Variants in JMJD1C observed in about 807,000 individuals in gnomAD.
JMJD1C encodes the protein jumonji domain-containing protein 1C.
JMJD1C carries 31 observed loss-of-function variants against 245.3 expected under a neutral mutation model. That is an observed-to-expected ratio of 0.13 (90% CI 0.09 to 0.17). JMJD1C has a LOEUF of 0.17. JMJD1C is among the 10% of genes least tolerant of loss of function. The pLI, the probability that JMJD1C is intolerant of heterozygous loss-of-function variation, is 1.00. For synonymous variants in JMJD1C, 1,057 were observed against 1,017.4 expected (o/e 1.04, Z -0.74); for missense variants, 2,691 against 3,000.2 (o/e 0.90, Z 2.41).
intron 2 of JMJD1C, among the ~76,000 whole-genome samples, chr10:63,347,067 A>ATTTT (rs71025162): frequency 9.6e-6 from 1 of 104,186 alleles, no homozygotes; most frequent in Admixed American, 9.7e-5. Context: ...AATGAAAAGA[A>ATTTT]TTTTTTTTTT....
intron 22 of JMJD1C, among the ~76,000 whole-genome samples, chr10:63,180,261 T>C (rs1002335468): frequency 1.3e-5 from 2 of 152,250 alleles, no homozygotes; most frequent in Admixed American, 1.3e-4. Flanking sequence ...ATCCACCACC[T>C]TGGCCTCCCA....
At chr10:63,205,094 T>C (rs1846441517) in intron 10 of JMJD1C, 1 of 827,732 alleles carries the variant, frequency 1.2e-6, no homozygotes, top group African/African-American at 1.9e-5. Context: ...TAGAAACACT[T>C]TATAGTGAAT....
intron 1 of JMJD1C, among the ~76,000 whole-genome samples, chr10:63,496,203 CTT>C (rs1244106314): frequency 6.6e-6 from 1 of 151,838 alleles, no homozygotes. Context: ...GGATAAATAA[CTT>C]ATTTTTTTCA....
rs374003123 is a variant in JMJD1C at position 63,465,706 on chromosome 10, G to A, written c.-44C>T. The A allele has an allele frequency of 2.1e-5, 34 of 1,598,426 alleles. No homozygotes were observed. The African/African-American group carries it at 3.1e-4, about 14-fold the overall frequency. On this transcript the variant is annotated 5_prime_UTR_variant, in exon 1 of 26. Coordinates refer to ENST00000399262, the MANE Select transcript of JMJD1C (RefSeq NM_032776.3). ...GGCCGCTGCCTCCTCCAGTGCGAGGGAACCGATGAAACCTCACTCCTACCG... is the reference window on the plus strand; with the variant it reads ...GGCCGCTGCCTCCTCCAGTGCGAGGAAACCGATGAAACCTCACTCCTACCG...
chr10:63,472,102 A>C lies in JMJD1C; in HGVS notation n.113+49636T>G, dbSNP rs118092472. Among the ~76,000 whole-genome samples, 972 of 152,254 alleles carry C rather than the reference A, an allele frequency of 6.4e-3. 8 individuals are homozygous for C. The highest frequency in any genetic ancestry group is 0.011 in the Non-Finnish European group (743 of 68,004). On this transcript the variant is annotated intron_variant and non_coding_transcript_variant, in intron 1 of 3. Coordinates refer to the JMJD1C transcript ENST00000633035. ...TAACTTGAAATGGAAGAATTTTTGCAATGTTCTACATTACAAATAAACTTT... is the reference window on the plus strand; with the variant it reads ...TAACTTGAAATGGAAGAATTTTTGCCATGTTCTACATTACAAATAAACTTT...
rs377625005 is a variant in JMJD1C at position 63,207,976 on chromosome 10, A to C, written c.3693T>G (p.Thr1231=). Residue 1231 remains threonine, a synonymous_variant, in exon 10 of 26, where the codon ACT becomes ACG. Coordinates refer to ENST00000399262, the MANE Select transcript of JMJD1C (RefSeq NM_032776.3). ...EGSYSSLSPP[T]LTPVMPVNAG... is the part of the protein sequence containing the mutation. ...CATTTACTGGCATCACCGGAGTTAAAGTTGGAGGGGAAAGACTACTATAGC... is the reference window on the plus strand; with the variant it reads ...CATTTACTGGCATCACCGGAGTTAACGTTGGAGGGGAAAGACTACTATAGC... 1.1e-5 allele frequency: 17 copies of C among 1,614,040 alleles called. No homozygotes were observed. In the African/African-American group the frequency reaches 2.3e-4, roughly 22 times the overall value.
At chr10:63,408,335 G>A (rs557607672) in intron 1 of JMJD1C, among the ~76,000 whole-genome samples, 7 of 151,946 alleles carry the variant, frequency 4.6e-5, no homozygotes, top group African/African-American at 1.7e-4. Context: ...CCTGGGAGGC[G>A]AAGGTTGCAG....
At chr10:63,434,729 A>AAC (rs1418915778) in intron 1 of JMJD1C, among the ~76,000 whole-genome samples, 1 of 151,172 alleles carries the variant, frequency 6.6e-6, no homozygotes, top group East Asian at 1.9e-4. Context: ...AAAACAAACA[A>AAC]AAAAAAAAGA....
At chr10:63,260,812 C>T (rs905769546) in intron 3 of JMJD1C, among the ~76,000 whole-genome samples, 6 of 151,892 alleles carry the variant, frequency 4.0e-5, no homozygotes, top group Admixed American at 1.3e-4. Context: ...AGGGTGGTCT[C>T]GAACTCCTGA....
chr10:63,497,776 T>C (rs192121435), intron 1 of JMJD1C, among the ~76,000 whole-genome samples: 1 of 152,192 alleles, frequency 6.6e-6, no homozygotes, highest in Non-Finnish European at 1.5e-5. Context: ...AAACTGGGAG[T>C]AACGACCTCC....
At chr10:63,340,228 AC>A (rs1251921763) in intron 2 of JMJD1C, among the ~76,000 whole-genome samples, 3 of 152,150 alleles carry the variant, frequency 2.0e-5, no homozygotes, top group African/African-American at 7.2e-5. Flanking sequence ...TTATTCAGCA[AC>A]CCTGAGGGAA....
intron 1 of JMJD1C, among the ~76,000 whole-genome samples, chr10:63,490,650 G>A (rs1196802742): frequency 5.3e-5 from 8 of 152,094 alleles, no homozygotes; most frequent in Non-Finnish European, 1.5e-5. Context: ...TGTTGACCTC[G>A]TGATCCACCC....
At chr10:63,195,973 A>G (rs993997604) in intron 13 of JMJD1C, among the ~76,000 whole-genome samples, 1 of 151,828 alleles carries the variant, frequency 6.6e-6, no homozygotes, top group African/African-American at 2.4e-5. Context: ...TATACTTTCA[A>G]AATTAATACT....
At chr10:63,346,963 G>A (rs1943870196) in intron 2 of JMJD1C, among the ~76,000 whole-genome samples, 1 of 151,806 alleles carries the variant, frequency 6.6e-6, no homozygotes. Context: ...TACACCCCCG[G>A]CCCTCCATGA....
At chr10:63,192,746 A>G (rs1339617468) in intron 16 of JMJD1C, among the ~76,000 whole-genome samples, 192 bp downstream of exon 16, 1 of 152,140 alleles carries the variant, frequency 6.6e-6, no homozygotes, top group Admixed American at 6.5e-5. Flanking sequence ...CAAAAACAAC[A>G]AAAAAACAAC....
At chr10:63,507,794 A>G (rs1051399472) in intron 1 of JMJD1C, among the ~76,000 whole-genome samples, 1 of 152,096 alleles carries the variant, frequency 6.6e-6, no homozygotes, top group African/African-American at 2.4e-5. Flanking sequence ...GGTATCTCAC[A>G]TTTTAATTTG....
intron 10 of JMJD1C, among the ~76,000 whole-genome samples, chr10:63,200,974 T>C (rs185784246): frequency 5.3e-4 from 81 of 152,326 alleles, no homozygotes; most frequent in African/African-American, 1.9e-3. Flanking sequence ...GTATGTATAA[T>C]AGCAAACATA....
intron 1 of JMJD1C, among the ~76,000 whole-genome samples, chr10:63,440,946 T>C (rs1012587433): frequency 2.0e-5 from 3 of 152,152 alleles, no homozygotes; most frequent in African/African-American, 7.2e-5. Flanking sequence ...TTAACAGTTA[T>C]GAAGACAACC....
At chr10:63,521,853 G>T, upstream of JMJD1C, 1 of 116,936 alleles carries the variant, frequency 8.6e-6, no homozygotes. Context: ...GTGCGGCGCG[G>T]CGCCCCTGCT....
Sources: allele counts gnomAD v4.1 joint callset (sites outside exome capture counted in the v4.1 genomes callset), GRCh38; gene constraint gnomAD v4.1.1; transcripts MANE v1.5; gene names NCBI Gene and HGNC (gene_info 2026-07-23, HGNC 2026-07-21).